Variants in PCDHA9 observed in about 807,000 individuals in gnomAD.
The protein encoded by PCDHA9 is protocadherin alpha-9.
PCDHA9 carries 62 observed loss-of-function variants against 62.0 expected under a neutral mutation model. The observed-to-expected ratio is 1.00, with a 90% CI of 0.81 to 1.23. The LOEUF (loss-of-function observed/expected upper bound fraction) is 1.23. Ranked by LOEUF, PCDHA9 falls within the 50% of genes most tolerant of loss-of-function variation. PCDHA9 has a pLI of 0.00. For synonymous variants in PCDHA9, 557 were observed against 567.6 expected (o/e 0.98, Z 0.27); for missense variants, 1,205 against 1,249.8 (o/e 0.96, Z 0.54).
chr5:140,967,192 C>T (rs2096111456), intron 1 of PCDHA9: 1 of 1,613,408 alleles, frequency 6.2e-7, no homozygotes, highest in South Asian at 1.1e-5. Context: ...TGGACATCAA[C>T]GACAACTCAC....
At chr5:141,005,718 A>T (rs1554260304) in intron 3 of PCDHA9, among the ~76,000 whole-genome samples, 1 of 149,548 alleles carries the variant, frequency 6.7e-6, no homozygotes, top group Non-Finnish European at 1.5e-5. Context: ...AAAAAAAAAA[A>T]AAAAAAAAAA....
intron 1 of PCDHA9, among the ~76,000 whole-genome samples, chr5:140,892,640 T>C (rs1250881102): frequency 2.0e-5 from 3 of 152,208 alleles, no homozygotes; most frequent in Non-Finnish European, 4.4e-5. Flanking sequence ...ATTGTACATA[T>C]TTATAGGATA....
intron 1 of PCDHA9, among the ~76,000 whole-genome samples, chr5:140,952,656 T>A (rs1554220534): frequency 6.6e-6 from 1 of 152,188 alleles, no homozygotes; most frequent in Admixed American, 6.5e-5. Flanking sequence ...GTTACCCAGT[T>A]CCAAAGTCAC....
chr5:140,979,414 T>C (rs1410205907), intron 2 of PCDHA9, among the ~76,000 whole-genome samples: 1 of 152,242 alleles, frequency 6.6e-6, no homozygotes, highest in African/African-American at 2.4e-5. Flanking sequence ...CCTTGTTTTT[T>C]TTTTAATCTC....
chr5:140,987,001 G>T (rs2097221434), intron 3 of PCDHA9, among the ~76,000 whole-genome samples: 1 of 152,038 alleles, frequency 6.6e-6, no homozygotes. Context: ...ATCACTTGAG[G>T]TCATGAGTTC....
chr5:140,969,371 T>C (rs2096324872), intron 1 of PCDHA9: 1 of 1,607,688 alleles, frequency 6.2e-7, no homozygotes, highest in Non-Finnish European at 8.5e-7. Context: ...AACTCATGCA[T>C]TTGTTACACA....
intron 1 of PCDHA9, chr5:140,860,649 AG>A (rs2046495256): frequency 1.3e-5 from 2 of 152,282 alleles, no homozygotes; most frequent in Non-Finnish European, 2.9e-5. Context: ...GAAGAAGATA[AG>A]TGAAATAATA....
intron 1 of PCDHA9, chr5:140,884,752 A>G (rs954313403): frequency 1.1e-5 from 16 of 1,429,736 alleles, no homozygotes; most frequent in East Asian, 2.5e-5. Context: ...CCAATTTCAA[A>G]TTATTCTTTA....
At chr5:140,955,990 T>C (rs246015) in intron 1 of PCDHA9, among the ~76,000 whole-genome samples, 48,106 of 152,064 alleles carry the variant, frequency 0.32, 7,958 homozygotes, top group East Asian at 0.53. Context: ...TTTTTGCACA[T>C]TGATTTTGTA....
intron 1 of PCDHA9, chr5:140,926,963 A>G (rs782460460): frequency 1.2e-6 from 2 of 1,605,984 alleles, no homozygotes; most frequent in South Asian, 2.2e-5. Context: ...CAGCTCGAGT[A>G]CTCAGTGCCG....
intron 1 of PCDHA9, chr5:140,857,912 C>A: frequency 1.3e-6 from 2 of 1,597,766 alleles, no homozygotes; most frequent in African/African-American, 1.3e-5. Flanking sequence ...CATCCCGTTT[C>A]GCGTGGGGCT....
At chr5:140,968,124 G>T (rs202202452) in intron 1 of PCDHA9, 1 of 1,614,126 alleles carries the variant, frequency 6.2e-7, no homozygotes, top group Non-Finnish European at 8.5e-7. Flanking sequence ...ACATCCCTGC[G>T]TACACTGAAG....
At chr5:140,938,476 T>A (rs1393084209) in intron 1 of PCDHA9, among the ~76,000 whole-genome samples, 2 of 152,194 alleles carry the variant, frequency 1.3e-5, no homozygotes, top group African/African-American at 2.4e-5. Context: ...TTATGTTTTT[T>A]AAAAATCATG....
chr5:140,927,720 G>T lies in PCDHA9; in HGVS notation c.2395-51229G>T. The T allele has an allele frequency of 3.1e-6, 5 of 1,614,174 alleles. No homozygotes were observed. The Middle Eastern group carries it at 4.9e-4, about 160-fold the overall frequency. On this transcript the variant is annotated intron_variant, in intron 1 of 3. Coordinates refer to ENST00000532602, the MANE Select transcript of PCDHA9 (RefSeq NM_031857.2). ...TCCAGTACTCCCTAAGCAACAGCACGCAAGCAGAGCTGCGACACCGCTTTC... is the reference window on the plus strand; with the variant it reads ...TCCAGTACTCCCTAAGCAACAGCACTCAAGCAGAGCTGCGACACCGCTTTC...
chr5:140,978,717 T>C (rs545119234), intron 1 of PCDHA9, among the ~76,000 whole-genome samples: 1 of 152,390 alleles, frequency 6.6e-6, no homozygotes, highest in East Asian at 1.9e-4. Context: ...TTTACAAGAT[T>C]ATTAAATCTG....
chr5:140,880,449 T>G (rs2058348423), intron 1 of PCDHA9, among the ~76,000 whole-genome samples: 1 of 152,024 alleles, frequency 6.6e-6, no homozygotes. Flanking sequence ...TAGTAGAAAA[T>G]GAAAACAGAT....
At chr5:140,986,044 G>A (rs1261726247) in intron 3 of PCDHA9, among the ~76,000 whole-genome samples, 4 of 152,078 alleles carry the variant, frequency 2.6e-5, no homozygotes, top group African/African-American at 9.7e-5. Flanking sequence ...TGGCCTCACT[G>A]ATGAATTCTT....
rs557901977 is a variant in PCDHA9 at position 140,876,312 on chromosome 5, G to A, written c.2394+25423G>A. 4.3e-6 allele frequency: 7 copies of A among 1,614,036 alleles called. No individual in the cohort carries two copies. In the East Asian group the frequency reaches 1.6e-4, roughly 36 times the overall value. On this transcript the variant is annotated intron_variant, in intron 1 of 3. Coordinates refer to ENST00000532602, the MANE Select transcript of PCDHA9 (RefSeq NM_031857.2). ...GACTTAATGGAGAAATTTCCTATGG[G>A]ATCAAAATGATTTTGCCAGTGAGTG...
intron 1 of PCDHA9, among the ~76,000 whole-genome samples, chr5:140,954,899 T>C (rs2095107956): frequency 6.6e-6 from 1 of 152,196 alleles, no homozygotes; most frequent in South Asian, 2.1e-4. Flanking sequence ...GTTTTTATAG[T>C]TTCATACTTT....
Sources: allele counts gnomAD v4.1 joint callset (sites outside exome capture counted in the v4.1 genomes callset), GRCh38; gene constraint gnomAD v4.1.1; transcripts MANE v1.5; gene names NCBI Gene and HGNC (gene_info 2026-07-23, HGNC 2026-07-21).